Variants in ITGBL1 observed in about 807,000 individuals in gnomAD.
ITGBL1 encodes the protein integrin subunit beta like 1.
In ITGBL1, 51 loss-of-function variants were observed where a neutral mutation model predicts 68.5. The ratio of observed to expected loss-of-function variants is 0.74; its 90% CI spans 0.59 to 0.94. ITGBL1 has a LOEUF of 0.94. ITGBL1 is among the 40% of genes least tolerant of loss of function. The pLI is 0.00. For missense variants in ITGBL1, 649 were observed against 647.4 expected, an observed-to-expected ratio of 1.00 and a Z score of -0.03; for synonymous variants, 209 against 227.3, an observed-to-expected ratio of 0.92 and a Z score of 0.72.
intron 7 of ITGBL1, among the ~76,000 whole-genome samples, chr13:101,606,626 T>C (rs2030875447): frequency 6.6e-6 from 1 of 151,972 alleles, no homozygotes; most frequent in Admixed American, 6.6e-5. Context: ...TGAGTAAAGT[T>C]AATTTGCATC....
At chr13:101,656,222 A>G (rs1476676553) in intron 7 of ITGBL1, among the ~76,000 whole-genome samples, 1 of 152,166 alleles carries the variant, frequency 6.6e-6, no homozygotes, top group Non-Finnish European at 1.5e-5. Flanking sequence ...GCCCTTAGAG[A>G]CAAAAGATGT....
chr13:101,452,704 T>G lies in ITGBL1; in HGVS notation c.-130T>G. 1.4e-6 allele frequency: 1 copy of G among 714,170 alleles called. No individual in the cohort carries two copies. Among genetic ancestry groups the G allele is most frequent in the East Asian group, 2.5e-5 (1 of 39,694 alleles). The allele number at this position is 714,170 out of a possible 1,614,324, so 44.2% of individuals were successfully genotyped here. A position where few individuals can be genotyped will look rare whatever the true frequency, so the allele number is the denominator to read the frequency against. ...GCAACTCCGGCTGGAGCCCCGGACC[T>G]GCAAGCCTGGGTGTCCGTGGGTCCG... On this transcript the variant is annotated 5_prime_UTR_variant, in exon 1 of 11. Transcript: ENST00000376180.
chr13:101,622,056 T>G (rs1341889971), intron 7 of ITGBL1, among the ~76,000 whole-genome samples: 1 of 152,126 alleles, frequency 6.6e-6, no homozygotes, highest in African/African-American at 2.4e-5. Context: ...CTATTTCTAT[T>G]TATTGTGTTT....
intron 2 of ITGBL1, among the ~76,000 whole-genome samples, chr13:101,489,051 T>A (rs1370755388): frequency 6.6e-6 from 1 of 152,210 alleles, no homozygotes; most frequent in African/African-American, 2.4e-5. Context: ...TTAATGCTAA[T>A]GCCTCCAAAT....
intron 2 of ITGBL1, among the ~76,000 whole-genome samples, chr13:101,499,258 G>A (rs2139080532): frequency 6.6e-6 from 1 of 152,222 alleles, no homozygotes; most frequent in African/African-American, 2.4e-5. Flanking sequence ...CTTTTCTTAT[G>A]CTTTACAAAC....
At chr13:101,685,652 C>G (rs1057132483) in intron 7 of ITGBL1, among the ~76,000 whole-genome samples, 1 of 152,002 alleles carries the variant, frequency 6.6e-6, no homozygotes, top group African/African-American at 2.4e-5. Flanking sequence ...AGTATTTAAG[C>G]AATTTTCTAG....
At chr13:101,651,413 A>G (rs2032745614) in intron 7 of ITGBL1, among the ~76,000 whole-genome samples, 2 of 152,018 alleles carry the variant, frequency 1.3e-5, no homozygotes, top group South Asian at 2.1e-4. Context: ...GTTGACCTCT[A>G]ATGATCAGTG....
chr13:101,705,395 C>G (rs562835317), intron 8 of ITGBL1, among the ~76,000 whole-genome samples: 4 of 151,892 alleles, frequency 2.6e-5, no homozygotes, highest in African/African-American at 9.7e-5. Flanking sequence ...ACCTTTTCAC[C>G]ACAGTTACTT....
At chr13:101,487,355 C>T (rs1670514905) in intron 2 of ITGBL1, among the ~76,000 whole-genome samples, 1 of 152,020 alleles carries the variant, frequency 6.6e-6, no homozygotes, top group African/African-American at 2.4e-5. Flanking sequence ...GCCACATTAC[C>T]AACCCTCTTG....
At chr13:101,688,405 G>A (rs995423012) in intron 7 of ITGBL1, among the ~76,000 whole-genome samples, 1 of 152,024 alleles carries the variant, frequency 6.6e-6, no homozygotes, top group Non-Finnish European at 1.5e-5. Context: ...ACACCGAGTA[G>A]GACTTTACAG....
At chr13:101,523,864 G>A (rs769567089) in intron 2 of ITGBL1, among the ~76,000 whole-genome samples, 2 of 152,146 alleles carry the variant, frequency 1.3e-5, no homozygotes, top group African/African-American at 2.4e-5. Context: ...TAGAAAGGAC[G>A]GACATTTCAT....
At chr13:101,455,663 CAATAAATAAATT>C (rs1390774875) in intron 2 of ITGBL1, among the ~76,000 whole-genome samples, 2 of 152,172 alleles carry the variant, frequency 1.3e-5, no homozygotes, top group Admixed American at 6.5e-5. Flanking sequence ...GACTTCATCT[CAATAAATAAATT>C]AATAAATAAA....
intron 2 of ITGBL1, among the ~76,000 whole-genome samples, chr13:101,504,721 A>G (rs1421197177): frequency 6.6e-6 from 1 of 152,188 alleles, no homozygotes; most frequent in Non-Finnish European, 1.5e-5. Flanking sequence ...AAGATAATTT[A>G]AAGAAGGTGA....
At chr13:101,634,079 T>C (rs1031132784) in intron 7 of ITGBL1, among the ~76,000 whole-genome samples, 2 of 152,204 alleles carry the variant, frequency 1.3e-5, no homozygotes, top group Non-Finnish European at 2.9e-5. Context: ...TTCTAATCAA[T>C]GGGCAGAATT....
At chr13:101,526,905 T>G (rs9585723) in intron 2 of ITGBL1, among the ~76,000 whole-genome samples, 25,765 of 151,972 alleles carry the variant, frequency 0.17, 2,650 homozygotes, top group African/African-American at 0.28. Context: ...GAACATTTTC[T>G]TGTATCAACA....
intron 2 of ITGBL1, among the ~76,000 whole-genome samples, chr13:101,532,410 C>T (rs183641242): frequency 1.1e-4 from 16 of 152,120 alleles, no homozygotes; most frequent in Admixed American, 3.3e-4. Flanking sequence ...TAGCAGATTC[C>T]AAATATATGT....
chr13:101,635,607 C>G (rs2032146621), intron 7 of ITGBL1, among the ~76,000 whole-genome samples: 1 of 152,004 alleles, frequency 6.6e-6, no homozygotes, highest in South Asian at 2.1e-4. Flanking sequence ...CAAATACTTG[C>G]TGATTCCCAT....
At chr13:101,465,069 G>A (rs2048365820) in intron 2 of ITGBL1, among the ~76,000 whole-genome samples, 1 of 152,130 alleles carries the variant, frequency 6.6e-6, no homozygotes, top group Admixed American at 6.5e-5. Flanking sequence ...TTTCACTATG[G>A]AGTTAACTAA....
At chr13:101,565,849 G>T (rs35348757) in intron 2 of ITGBL1, among the ~76,000 whole-genome samples, 2,000 of 152,054 alleles carry the variant, frequency 0.013, 36 homozygotes, top group East Asian at 0.036. Context: ...TTAGAATATT[G>T]CTTCTATTGA....
Sources: gnomAD v4.1 joint callset for allele counts (sites outside exome capture counted in the v4.1 genomes callset) on GRCh38, gnomAD v4.1.1 for gene constraint, MANE v1.5 for transcripts, NCBI Gene and HGNC (gene_info 2026-07-23, HGNC 2026-07-21) for gene names.